CDH13: variants seen among roughly 807,000 people sequenced by gnomAD.
CDH13 encodes the protein cadherin 13, also known as cadherin-13.
Under a neutral mutation model 63.8 loss-of-function variants are expected in CDH13, and 24 were observed. The ratio of observed to expected loss-of-function variants is 0.38; its 90% CI spans 0.27 to 0.53. CDH13 has a LOEUF of 0.53. Ranked by LOEUF, CDH13 falls within the 20% of genes least tolerant of loss-of-function variation. The pLI is 0.85. For missense variants in CDH13, 1,049 were observed against 903.1 expected (o/e 1.16, Z -2.07); for synonymous variants, 503 against 355.3 (o/e 1.42, Z -4.67).
Position 83,046,076 on chromosome 16 carries a change from CA to C in CDH13, c.366+13861del, listed in dbSNP as rs1450924635. The stretch of plus-strand genomic sequence containing the variant: ...TTCTCAGCCCAATTGCTTGTTTAAG[CA>C]AAGCCAAGTCTAGTCTCAAGGCCTA... On this transcript the variant is annotated intron_variant, in intron 3 of 13. Coordinates refer to ENST00000567109, the MANE Select transcript of CDH13 (RefSeq NM_001257.5). Among the ~76,000 whole-genome samples the C allele has an allele frequency of 7.9e-5, 12 of 152,280 alleles. No individual in the cohort carries two copies. The East Asian group carries it at 2.1e-3, about 27-fold the overall frequency.
intron 4 of CDH13, among the ~76,000 whole-genome samples, chr16:83,198,284 C>T (rs1336175803): frequency 6.6e-6 from 1 of 151,518 alleles, no homozygotes; most frequent in African/African-American, 2.4e-5. Context: ...ATTTCTTTCT[C>T]TTCTGTACTC....
At chr16:83,264,671 A>G (rs1466149545) in intron 5 of CDH13, among the ~76,000 whole-genome samples, 8 of 151,734 alleles carry the variant, frequency 5.3e-5, no homozygotes, top group Middle Eastern at 3.4e-3. Flanking sequence ...AATCATATCT[A>G]TGGCTTGCAG....
At chr16:83,139,858 T>G (rs549019758) in intron 4 of CDH13, among the ~76,000 whole-genome samples, 55 of 152,074 alleles carry the variant, frequency 3.6e-4, no homozygotes, top group Middle Eastern at 3.4e-3. Flanking sequence ...CAAAATTAGT[T>G]AGGCATGGTG....
chr16:83,650,558 C>G (rs1487007800), intron 8 of CDH13, among the ~76,000 whole-genome samples: 1 of 152,176 alleles, frequency 6.6e-6, no homozygotes, highest in African/African-American at 2.4e-5. Context: ...GTTTTCCACA[C>G]CCCGCTGGGA....
At chr16:83,263,236 GA>G (rs1188905070) in intron 5 of CDH13, among the ~76,000 whole-genome samples, 1 of 152,204 alleles carries the variant, frequency 6.6e-6, no homozygotes, top group Non-Finnish European at 1.5e-5. Flanking sequence ...AACAATTAGT[GA>G]AAGCAACAAT....
chr16:82,746,994 T>C (rs2034204586), intron 1 of CDH13, among the ~76,000 whole-genome samples: 1 of 152,234 alleles, frequency 6.6e-6, no homozygotes, highest in African/African-American at 2.4e-5. Context: ...CAGAATGTGT[T>C]GTTGAATTGA....
chr16:83,712,947 A>G (rs181601489), intron 10 of CDH13, among the ~76,000 whole-genome samples: 1 of 152,386 alleles, frequency 6.6e-6, no homozygotes, highest in East Asian at 1.9e-4. Flanking sequence ...TTGAAGTAAC[A>G]GTACGATTCT....
chr16:83,335,500 T>A (rs902746753), intron 5 of CDH13, among the ~76,000 whole-genome samples: 2 of 152,120 alleles, frequency 1.3e-5, no homozygotes, highest in Non-Finnish European at 2.9e-5. Context: ...GAGCTTCTGA[T>A]GATCATTTTA....
At chr16:83,508,093 A>G (rs2074452226) in intron 7 of CDH13, among the ~76,000 whole-genome samples, 1 of 74,340 alleles carries the variant, frequency 1.3e-5, no homozygotes, top group Non-Finnish European at 2.9e-5. Flanking sequence ...GGAAGGAAGG[A>G]AGGAAAGAAG....
intron 6 of CDH13, among the ~76,000 whole-genome samples, chr16:83,484,691 A>G (rs1169858975): frequency 1.3e-5 from 2 of 152,236 alleles, no homozygotes; most frequent in Non-Finnish European, 2.9e-5. Flanking sequence ...AACCACCATT[A>G]CCAGGGAGAA....
chr16:83,064,348 G>A (rs1457684346), intron 3 of CDH13, among the ~76,000 whole-genome samples: 1 of 113,440 alleles, frequency 8.8e-6, no homozygotes, highest in African/African-American at 3.7e-5. Flanking sequence ...CAGCCTGGGT[G>A]ACAAAGTGAG....
At chr16:82,963,698 G>T (rs1371053236) in intron 2 of CDH13, among the ~76,000 whole-genome samples, 2 of 152,098 alleles carry the variant, frequency 1.3e-5, no homozygotes, top group African/African-American at 4.8e-5. Context: ...CTCAACACCT[G>T]TTACAATTCC....
intron 13 of CDH13, among the ~76,000 whole-genome samples, chr16:83,792,378 T>C (rs531532931): frequency 6.6e-6 from 1 of 152,342 alleles, no homozygotes. Context: ...TCATCTAAAT[T>C]GACTTAAAAC....
intron 7 of CDH13, among the ~76,000 whole-genome samples, chr16:83,547,490 C>G (rs915209800): frequency 1.3e-5 from 2 of 152,084 alleles, no homozygotes; most frequent in African/African-American, 4.8e-5. Context: ...GTGTGTTGTT[C>G]CCCTTTGTGT....
intron 2 of CDH13, among the ~76,000 whole-genome samples, chr16:82,979,657 G>T (rs1020115708): frequency 2.6e-5 from 4 of 152,118 alleles, no homozygotes; most frequent in African/African-American, 9.7e-5. Context: ...GTGCAGAATT[G>T]TGAGTCAATT....
chr16:82,923,314 G>A (rs1265705229), intron 2 of CDH13, among the ~76,000 whole-genome samples: 1 of 152,200 alleles, frequency 6.6e-6, no homozygotes, highest in Non-Finnish European at 1.5e-5. Flanking sequence ...GTGAGTTTAA[G>A]GACTGGTGTG....
chr16:82,873,257 A>T (rs370457258), intron 2 of CDH13, among the ~76,000 whole-genome samples: 15 of 152,336 alleles, frequency 9.8e-5, no homozygotes, highest in African/African-American at 3.6e-4. Context: ...GTCATTTGAT[A>T]CATTTAATCA....
intron 7 of CDH13, among the ~76,000 whole-genome samples, chr16:83,498,373 C>A (rs773427890): frequency 5.9e-5 from 9 of 152,148 alleles, no homozygotes; most frequent in Non-Finnish European, 1.3e-4. Flanking sequence ...TATTCTAGAG[C>A]CACCTGGAAA....
At chr16:83,304,535 G>A (rs920959844) in intron 5 of CDH13, among the ~76,000 whole-genome samples, 3 of 152,096 alleles carry the variant, frequency 2.0e-5, no homozygotes, top group African/African-American at 7.2e-5. Flanking sequence ...ATTTGATGTA[G>A]TTAATACAGA....
Sources: gnomAD v4.1 joint callset for allele counts (sites outside exome capture counted in the v4.1 genomes callset) on GRCh38, gnomAD v4.1.1 for gene constraint, MANE v1.5 for transcripts, NCBI Gene and HGNC (gene_info 2026-07-23, HGNC 2026-07-21) for gene names.